Variants in NLRP12 observed in about 807,000 individuals in gnomAD.
The protein encoded by NLRP12 is NACHT, LRR and PYD domains-containing protein 12.
In NLRP12, 108 loss-of-function variants were observed where a neutral mutation model predicts 91.2. That is an observed-to-expected ratio of 1.18 (90% confidence interval 1.01 to 1.39). The LOEUF (loss-of-function observed/expected upper bound fraction) is 1.39, where lower values mean the gene tolerates loss of function less well. Among genes scored for constraint, NLRP12 ranks in the 40% most tolerant of loss-of-function variants. NLRP12 has a pLI of 0.00. For missense variants in NLRP12, 1,530 were observed against 1,352.7 expected (o/e 1.13, Z -2.06); for synonymous variants, 613 against 566.7 (o/e 1.08, Z -1.16).
intron 4 of NLRP12, chr19:53,805,773 C>G (rs567827445): frequency 2.7e-6 from 1 of 375,252 alleles, no homozygotes; most frequent in South Asian, 2.2e-5. Flanking sequence ...CCATCTGGGC[C>G]TCCCAAAGTG....
At chr19:53,806,158 C>T (rs972447967) in intron 4 of NLRP12, among the ~76,000 whole-genome samples, 2 of 151,962 alleles carry the variant, frequency 1.3e-5, no homozygotes, top group Non-Finnish European at 2.9e-5. Context: ...TGCTTGAACT[C>T]AGGAGGCGGA....
chr19:53,803,581 C>A (rs901716205), intron 6 of NLRP12: 9 of 345,816 alleles, frequency 2.6e-5, no homozygotes, highest in African/African-American at 1.9e-4. Context: ...CACTATTCTA[C>A]TTTGTTTTTT....
chr19:53,817,108 G>T (rs981268191), intron 1 of NLRP12, among the ~76,000 whole-genome samples: 1 of 150,082 alleles, frequency 6.7e-6, no homozygotes, highest in African/African-American at 2.4e-5. Context: ...TGGGTAACAC[G>T]GTGAAACCCC....
At position 53,810,140 on chromosome 19, in the gene NLRP12, C is replaced by T; in HGVS notation, c.1519G>A (p.Glu507Lys). The change falls in exon 3 of 10, where the codon GAG becomes AAG. Residue 507 changes from glutamate (E) to lysine (K), a missense_variant. By Grantham distance (56) the Glu-to-Lys change is moderately conservative (BLOSUM62 1). Transcript: ENST00000324134. ...MNIFQKDINC[E>K]RYYSFIHLSF... is the part of the protein sequence containing the mutation. ...AAGTGGATGAAGCTGTAGTACCTCT[C>T]ACAGTTGATGTCCTTCTGGAAGATG... is the stretch of plus-strand genomic sequence containing the variant. 1 of 1,614,172 alleles carries T rather than the reference C, an allele frequency of 6.2e-7. No individual in the cohort carries two copies. The highest frequency in any genetic ancestry group is 8.5e-7 in the Non-Finnish European group (1 of 1,180,038).
chr19:53,812,148 TCAGTA>T (rs1368092089), intron 2 of NLRP12, among the ~76,000 whole-genome samples: 2 of 151,686 alleles, frequency 1.3e-5, no homozygotes, highest in Admixed American at 6.6e-5. Context: ...TTTTTTTTTT[TCAGTA>T]CAGACAGGGT....
At chr19:53,823,202 G>A (rs1337425114) in intron 1 of NLRP12, among the ~76,000 whole-genome samples, 1 of 140,570 alleles carries the variant, frequency 7.1e-6, no homozygotes, top group African/African-American at 2.6e-5. Flanking sequence ...TTATATATAT[G>A]TATTTTAAAT....
At chr19:53,801,442 CT>C (rs531637211) in intron 6 of NLRP12, 45 bp from the exon 7 acceptor site, 1 of 1,301,334 alleles carries the variant, frequency 7.7e-7, no homozygotes, top group Non-Finnish European at 1.0e-6. Context: ...GCTTTCCTTT[CT>C]TTTTCTTTTT....
At chr19:53,817,167 A>T (rs930935639) in intron 1 of NLRP12, among the ~76,000 whole-genome samples, 1 of 151,616 alleles carries the variant, frequency 6.6e-6, no homozygotes. Flanking sequence ...GGTGGCAGGC[A>T]CCTGTAGTCC....
intron 5 of NLRP12, among the ~76,000 whole-genome samples, chr19:53,805,069 T>C (rs2091936021): frequency 6.6e-6 from 1 of 152,062 alleles, no homozygotes; most frequent in South Asian, 2.1e-4. Context: ...CCCCAGGGAC[T>C]CTTCATCATG....
intron 6 of NLRP12, among the ~76,000 whole-genome samples, chr19:53,802,512 C>G (rs930332714): frequency 2.6e-5 from 4 of 151,896 alleles, no homozygotes; most frequent in African/African-American, 9.7e-5. Context: ...TCGAGACCAT[C>G]CTGGCTAACA....
chr19:53,808,951 C>T (rs1012074866), intron 3 of NLRP12, among the ~76,000 whole-genome samples: 5 of 152,032 alleles, frequency 3.3e-5, no homozygotes, highest in Non-Finnish European at 7.4e-5. Flanking sequence ...AAAATCACCC[C>T]CAGCTGAGAG....
chr19:53,813,324 ACAGAGT>A (rs2092109480), intron 2 of NLRP12, among the ~76,000 whole-genome samples: 1 of 75,024 alleles, frequency 1.3e-5, no homozygotes, highest in African/African-American at 5.8e-5. Flanking sequence ...TTTTTTTGAG[ACAGAGT>A]CTTGCTCTGT....
chr19:53,823,438 TATATGTTTTAA>T (rs1568702770), intron 1 of NLRP12, among the ~76,000 whole-genome samples: 2 of 116,410 alleles, frequency 1.7e-5, no homozygotes, highest in East Asian at 4.4e-4. Context: ...ATATTTAAAA[TATATGTTTTAA>T]ATATATATTT....
At chr19:53,804,843 C>A (rs77522434) in intron 5 of NLRP12, among the ~76,000 whole-genome samples, 1 of 151,654 alleles carries the variant, frequency 6.6e-6, no homozygotes, top group African/African-American at 2.4e-5. Flanking sequence ...GCCTGGCCAA[C>A]GTGAGGAAAC....
chr19:53,816,268 G>C (rs1052838898), intron 1 of NLRP12, among the ~76,000 whole-genome samples: 4 of 152,038 alleles, frequency 2.6e-5, no homozygotes, highest in Non-Finnish European at 4.4e-5. Context: ...ACTCTGATAA[G>C]TTTTCACCTC....
intron 1 of NLRP12, among the ~76,000 whole-genome samples, chr19:53,820,022 G>A (rs1465282193): frequency 4.6e-5 from 7 of 152,042 alleles, no homozygotes; most frequent in African/African-American, 1.7e-4. Flanking sequence ...CCTCATTAAC[G>A]ACGAGTCATT....
intron 6 of NLRP12, among the ~76,000 whole-genome samples, chr19:53,802,015 G>A (rs2091883641): frequency 6.6e-6 from 1 of 151,994 alleles, no homozygotes; most frequent in South Asian, 2.1e-4. Flanking sequence ...ATCACCTGAG[G>A]TTGGGAGATG....
In NLRP12 at chr19:53,824,146, A is replaced by G. The variant is rs775129261; in HGVS notation, c.29T>C (p.Leu10Pro). Residue 10 changes from leucine (L) to proline (P), a missense_variant, in exon 1 of 10, where the codon CTC becomes CCC. Transcript: ENST00000324134. The stretch of plus-strand genomic sequence containing the variant: ...TTCCAAGTAGGTGGACAGGCGACAG[A>G]GGCCGTCCCTGCCTGCGGTTCGTAG... MLRTAGRDG[L>P]CRLSTYLEEL... The G allele has an allele frequency of 8.7e-6, 14 of 1,613,990 alleles. No individual in the cohort carries two copies. Among genetic ancestry groups the G allele is most frequent in the Non-Finnish European group, 1.2e-5 (14 of 1,180,036 alleles).
rs1599879847 is a variant in NLRP12 at position 53,824,189 on chromosome 19, C to T, written c.-15G>A. 3 of 1,613,114 alleles carry T rather than the reference C, an allele frequency of 1.9e-6. No homozygotes were observed. The highest frequency in any genetic ancestry group is 4.5e-5 in the East Asian group (2 of 44,870). On this transcript the variant is annotated 5_prime_UTR_variant, in exon 1 of 10. Transcript: ENST00000324134. Reference sequence around the variant, plus strand: ...GTTCGTAGCATGGGGGTGCCGTGAGCCCCAAAGGAGAGGACCTGGAGGCTG... The same window carrying T: ...GTTCGTAGCATGGGGGTGCCGTGAGTCCCAAAGGAGAGGACCTGGAGGCTG...
Sources: allele counts gnomAD v4.1 joint callset (sites outside exome capture counted in the v4.1 genomes callset), GRCh38; gene constraint gnomAD v4.1.1; transcripts MANE v1.5; gene names NCBI Gene and HGNC (gene_info 2026-07-23, HGNC 2026-07-21).